Variants in ARHGAP6 observed in about 807,000 individuals in gnomAD.
ARHGAP6 encodes the protein Rho GTPase activating protein 6.
Under a neutral mutation model 55.7 loss-of-function variants are expected in ARHGAP6, and 16 were observed. The ratio of observed to expected loss-of-function variants is 0.29; its 90% CI spans 0.19 to 0.44. The LOEUF is 0.44. Among genes scored for constraint, ARHGAP6 ranks in the 20% least tolerant of loss-of-function variants. The pLI is 1.00. For synonymous variants in ARHGAP6, 382 were observed against 360.9 expected, an observed-to-expected ratio of 1.06 and a Z score of -0.66; for missense variants, 698 against 808.9, an observed-to-expected ratio of 0.86 and a Z score of 1.66.
At position 11,567,663 on chromosome X, in the gene ARHGAP6, TC is replaced by T. The variant is rs924953665; in HGVS notation, c.588+96577del. On this transcript the variant is annotated intron_variant, in intron 1 of 12. Transcript: ENST00000337414. ...TCCCCATCCAACCAGCTGCTTGTTT[TC>T]TTTTCTTTTCTTTCTTTGACAGGGT... Among the ~76,000 whole-genome samples, 6 of 108,536 alleles carry T rather than the reference TC, an allele frequency of 5.5e-5. 1 individual carries two copies. The highest frequency in any genetic ancestry group is 2.0e-4 in the African/African-American group (6 of 29,734). The allele number at this position is 108,536 out of a possible 115,157, so 94.3% of individuals were successfully genotyped here. A position where few individuals can be genotyped will look rare whatever the true frequency, so the allele number is the denominator to read the frequency against.
At chrX:11,466,208 C>G (rs1184157756) in intron 1 of ARHGAP6, among the ~76,000 whole-genome samples, 1 of 111,458 alleles carries the variant, frequency 9.0e-6, no homozygotes, top group East Asian at 2.8e-4. Flanking sequence ...TCTTTGGAAA[C>G]CCATAAAGGC....
At chrX:11,252,793 T>C (rs990357149) in intron 2 of ARHGAP6, among the ~76,000 whole-genome samples, 1 of 111,906 alleles carries the variant, frequency 8.9e-6, no homozygotes, top group Non-Finnish European at 1.9e-5. Context: ...CAATGGAGTC[T>C]CAGGTTCTGC....
At chrX:11,349,219 C>CT (rs2048826462) in intron 1 of ARHGAP6, among the ~76,000 whole-genome samples, 1 of 111,015 alleles carries the variant, frequency 9.0e-6, no homozygotes, top group Admixed American at 9.6e-5. Context: ...GCATTTTTTG[C>CT]TGAATTGACA....
At chrX:11,214,302 C>CAT (rs1443092572) in intron 2 of ARHGAP6, among the ~76,000 whole-genome samples, 39 of 109,953 alleles carry the variant, frequency 3.5e-4, no homozygotes, top group African/African-American at 1.3e-3. Flanking sequence ...TGTGCACATA[C>CAT]ATATATATAT....
intron 1 of ARHGAP6, among the ~76,000 whole-genome samples, chrX:11,596,410 C>T (rs2051903757): frequency 9.0e-6 from 1 of 110,536 alleles, no homozygotes; most frequent in Non-Finnish European, 1.9e-5. Context: ...CATCACACAC[C>T]AAGACCTGTC....
chrX:11,186,050 C>G (rs770821231), intron 5 of ARHGAP6, among the ~76,000 whole-genome samples, 186 bp downstream of exon 5: 3 of 111,578 alleles, frequency 2.7e-5, no homozygotes, highest in Non-Finnish European at 3.8e-5. Flanking sequence ...TTGATTCACC[C>G]TCTTCTCCAA....
At chrX:11,610,618 C>T (rs2052091380) in intron 1 of ARHGAP6, among the ~76,000 whole-genome samples, 1 of 112,341 alleles carries the variant, frequency 8.9e-6, no homozygotes. Context: ...TACATACATA[C>T]ACACACAGAA....
At chrX:11,450,401 G>A (rs2050134112) in intron 1 of ARHGAP6, among the ~76,000 whole-genome samples, 1 of 111,860 alleles carries the variant, frequency 8.9e-6, no homozygotes, top group Non-Finnish European at 1.9e-5. Flanking sequence ...AGCTACCTAC[G>A]TGAAATTCTA....
chrX:11,663,239 C>T (rs182737594), intron 1 of ARHGAP6, among the ~76,000 whole-genome samples: 59 of 111,931 alleles, frequency 5.3e-4, no homozygotes, highest in African/African-American at 1.9e-3. Context: ...AAACGGTTTT[C>T]CTTGGTTGTG....
intron 10 of ARHGAP6, among the ~76,000 whole-genome samples, chrX:11,154,290 A>G (rs1034474211): frequency 5.3e-4 from 59 of 111,902 alleles, no homozygotes; most frequent in African/African-American, 1.8e-3. Flanking sequence ...ATCTTGGTCT[A>G]GGGTCTGCTC....
Position 11,665,013 on chromosome X carries a change from G to A in ARHGAP6, c.-185C>T, listed in dbSNP as rs1484176948. The A allele has an allele frequency of 5.0e-6, 2 of 399,286 alleles. No homozygotes were observed. Among genetic ancestry groups the A allele is most frequent in the Non-Finnish European group, 8.4e-6 (2 of 237,859 alleles). The allele number at this position is 399,286 out of a possible 1,213,427, so 32.9% of individuals were successfully genotyped here. On this transcript the variant is annotated 5_prime_UTR_variant, in exon 1 of 13. Coordinates refer to ENST00000337414, the MANE Select transcript of ARHGAP6 (RefSeq NM_013427.3). The stretch of plus-strand genomic sequence containing the variant: ...GTGCGCTCCAAGTGCCCCGGCGGCG[G>A]CAGGAGCAGCAGATCCATCACCAGC...
chrX:11,174,015 A>G (rs1430586761), intron 8 of ARHGAP6, among the ~76,000 whole-genome samples: 1 of 112,257 alleles, frequency 8.9e-6, no homozygotes, highest in Non-Finnish European at 1.9e-5. Flanking sequence ...GAAGAGAAGA[A>G]GTTGAAAAAT....
intron 2 of ARHGAP6, among the ~76,000 whole-genome samples, chrX:11,206,023 T>C (rs1188291381): frequency 9.0e-6 from 1 of 111,685 alleles, no homozygotes; most frequent in Admixed American, 9.5e-5. Flanking sequence ...CTCCCCGGCA[T>C]GGAAATGTGT....
intron 1 of ARHGAP6, among the ~76,000 whole-genome samples, chrX:11,419,416 G>C (rs906013358): frequency 8.9e-6 from 1 of 112,311 alleles, no homozygotes; most frequent in African/African-American, 3.2e-5. Flanking sequence ...TTAAGACCGT[G>C]TTTTGCATTT....
intron 10 of ARHGAP6, among the ~76,000 whole-genome samples, chrX:11,150,048 T>C (rs1223452776): frequency 1.8e-5 from 2 of 111,991 alleles, no homozygotes; most frequent in Non-Finnish European, 3.8e-5. Flanking sequence ...AGTTCATCCA[T>C]ATCTGCCTTC....
At chrX:11,506,187 C>A (rs1287719374) in intron 1 of ARHGAP6, among the ~76,000 whole-genome samples, 1 of 111,463 alleles carries the variant, frequency 9.0e-6, no homozygotes, top group Non-Finnish European at 1.9e-5. Flanking sequence ...CTTTGTCTTG[C>A]TCTTACATTA....
rs1555964865 is a variant in ARHGAP6, at chrX:11,174,660, T to TTTCTTTCTTTCTTTC, written c.1629+3425_1629+3439dup. 8.4e-4 allele frequency among the ~76,000 whole-genome samples: 74 copies of TTTCTTTCTTTCTTTC among 88,116 alleles called. 1 individual carries two copies. Among genetic ancestry groups the TTTCTTTCTTTCTTTC allele is most frequent in the African/African-American group, 2.9e-3 (66 of 22,669 alleles). The allele number at this position is 88,116 out of a possible 115,157, so 76.5% of individuals were successfully genotyped here. A position where few individuals can be genotyped will look rare whatever the true frequency, so the allele number is the denominator to read the frequency against. On this transcript the variant is annotated intron_variant, in intron 8 of 12. Transcript: ENST00000337414. The stretch of plus-strand genomic sequence containing the variant: ...CTTTCTTTCTTTCTTTCTTTCTTTC[T>TTTCTTTCTTTCTTTC]TTCTTTCTTTCTTTCTTTCTTTCTT...
intron 1 of ARHGAP6, among the ~76,000 whole-genome samples, chrX:11,611,967 G>C (rs1012130926): frequency 4.6e-5 from 5 of 108,269 alleles, no homozygotes; most frequent in Non-Finnish European, 7.6e-5. Flanking sequence ...TTTTTAAAAA[G>C]ATGGAGACTA....
At chrX:11,277,979 G>A (rs1427631327) in intron 1 of ARHGAP6, among the ~76,000 whole-genome samples, 2 of 111,211 alleles carry the variant, frequency 1.8e-5, no homozygotes, top group Non-Finnish European at 3.8e-5. Context: ...TACTGGGTGA[G>A]GAAAAGCCAG....
Sources: gnomAD v4.1 joint callset for allele counts (sites outside exome capture counted in the v4.1 genomes callset) on GRCh38, gnomAD v4.1.1 for gene constraint, MANE v1.5 for transcripts, NCBI Gene and HGNC (gene_info 2026-07-23, HGNC 2026-07-21) for gene names.